Variants in SH3TC2 observed in about 807,000 individuals in gnomAD.
The protein encoded by SH3TC2 is SH3 domain and tetratricopeptide repeats 2.
Under a neutral mutation model 124.5 loss-of-function variants are expected in SH3TC2, and 87 were observed. The observed-to-expected ratio is 0.70, with a 90% confidence interval of 0.59 to 0.84. The LOEUF is 0.84. Among genes scored for constraint, SH3TC2 ranks in the 40% least tolerant of loss-of-function variants. The probability of loss-of-function intolerance (pLI) is 0.00; values close to 1 mark genes in which losing one functional copy is unlikely to be tolerated. For synonymous variants in SH3TC2, 634 were observed against 628.5 expected, an observed-to-expected ratio of 1.01 and a Z score of -0.13; for missense variants, 1,536 against 1,566.4, an observed-to-expected ratio of 0.98 and a Z score of 0.33.
In SH3TC2 at chr5:149,044,531, A is replaced by G. The variant is rs773554464; in HGVS notation, c.385+2T>C. Reference sequence around the variant, plus strand: ...CCTCCACCTGCTTGCCTTGTACCATACCTAAATTAAGGTAGGTGGAGAACT... The same window carrying G: ...CCTCCACCTGCTTGCCTTGTACCATGCCTAAATTAAGGTAGGTGGAGAACT... On this transcript the variant is annotated splice_donor_variant, in intron 4 of 16. Transcript: ENST00000515425. LOFTEE classifies it high-confidence loss of function. 1.9e-6 allele frequency: 3 copies of G among 1,612,266 alleles called. No individual in the cohort carries two copies. Among genetic ancestry groups the G allele is most frequent in the African/African-American group, 1.3e-5 (1 of 74,958 alleles).
intron 13 of SH3TC2, among the ~76,000 whole-genome samples, chr5:149,012,304 G>A (rs1189528946): frequency 6.6e-6 from 1 of 152,222 alleles, no homozygotes; most frequent in Non-Finnish European, 1.5e-5. Flanking sequence ...AACGGGACAA[G>A]TGACGTTACA....
intron 12 of SH3TC2, chr5:149,026,223 C>G: frequency 3.4e-6 from 1 of 292,180 alleles, no homozygotes; most frequent in East Asian, 8.4e-5. Flanking sequence ...GTTATAGAAA[C>G]ACACAAGTAA....
intron 2 of SH3TC2, among the ~76,000 whole-genome samples, chr5:149,049,820 A>T (rs925216272): frequency 1.3e-5 from 2 of 151,904 alleles, no homozygotes; most frequent in African/African-American, 4.8e-5. Context: ...AACATCGTGG[A>T]TATAAAACTT....
intron 12 of SH3TC2, among the ~76,000 whole-genome samples, chr5:149,013,828 T>G (rs1251460194): frequency 6.6e-6 from 1 of 152,200 alleles, no homozygotes; most frequent in Non-Finnish European, 1.5e-5. Flanking sequence ...TGGCAACAAC[T>G]AGAGTCACCT....
At position 149,041,580 on chromosome 5, in the gene SH3TC2, T is replaced by C; in HGVS notation, c.567A>G (p.Pro189=). 1 of 1,613,396 alleles carries C rather than the reference T, an allele frequency of 6.2e-7. No homozygotes were observed. Among genetic ancestry groups the C allele is most frequent in the Non-Finnish European group, 8.5e-7 (1 of 1,179,942 alleles). Residue 189 remains proline (P), a synonymous_variant, in exon 6 of 17, where the codon CCA becomes CCG. Transcript: ENST00000515425. ...AGCATTCCCCTTCCTTCTCGGCTGGTGGAGTCACGGAGCACAGGGCTCTGC... is the reference window on the plus strand; with the variant it reads ...AGCATTCCCCTTCCTTCTCGGCTGGCGGAGTCACGGAGCACAGGGCTCTGC... ...FFCRALCSVT[P]PAEKEGECLT... is the part of the protein sequence containing the mutation.
chr5:149,014,321 G>A (rs1753834314), intron 12 of SH3TC2, among the ~76,000 whole-genome samples: 1 of 152,178 alleles, frequency 6.6e-6, no homozygotes, highest in South Asian at 2.1e-4. Flanking sequence ...ACCAAAGTTT[G>A]AGAACCACTG....
chr5:149,044,885 T>C (rs1754431722), intron 3 of SH3TC2: 2 of 438,474 alleles, frequency 4.6e-6, no homozygotes, highest in Non-Finnish European at 8.4e-6. Flanking sequence ...TGTGTACTGA[T>C]ATAGGCTCCA....
intron 1 of SH3TC2, among the ~76,000 whole-genome samples, chr5:149,060,551 C>G (rs1434395647): frequency 6.6e-6 from 1 of 152,186 alleles, no homozygotes; most frequent in East Asian, 1.9e-4. Context: ...CTATCAAGAG[C>G]CTTCTCCTTT....
rs1005090373 is a variant in SH3TC2 at position 148,988,709 on chromosome 5, G to A, written c.*16002C>T. Reference sequence around the variant, plus strand: ...CTCCAGCTCTGGCCACTATTGGACTGCAACAACAGTAGAGAACCCAAGCGA... The same window carrying A: ...CTCCAGCTCTGGCCACTATTGGACTACAACAACAGTAGAGAACCCAAGCGA... On this transcript the variant is annotated 3_prime_UTR_variant, in exon 17 of 17. Coordinates refer to ENST00000515425, the MANE Select transcript of SH3TC2 (RefSeq NM_024577.4). Among the ~76,000 whole-genome samples the A allele has an allele frequency of 6.6e-6, 1 of 152,206 alleles. No homozygotes were observed. Among genetic ancestry groups the A allele is most frequent in the Non-Finnish European group, 1.5e-5 (1 of 68,036 alleles).
At chr5:149,015,372 A>C (rs1475752536) in intron 12 of SH3TC2, among the ~76,000 whole-genome samples, 4 of 152,222 alleles carry the variant, frequency 2.6e-5, no homozygotes, top group Admixed American at 2.0e-4. Context: ...GTGGCCAAGC[A>C]GTGTCACCTA....
At position 149,027,181 on chromosome 5, in the gene SH3TC2, G is replaced by C. The variant is rs144655516; in HGVS notation, c.2551C>G (p.Arg851Gly). 15 of 1,614,068 alleles carry C rather than the reference G, an allele frequency of 9.3e-6. No individual in the cohort carries two copies. In the Admixed American group the frequency reaches 1.8e-4, roughly 20 times the overall value. Residue 851 changes from arginine to glycine, a missense_variant, in exon 11 of 17, where the codon CGG becomes GGG. Arg to Gly is a moderately radical substitution (Grantham distance 125). Transcript: ENST00000515425. ...LLGLALQGEG[R>G]VNRAAKSYLR... Reference sequence around the variant, plus strand: ...TAGCTCTTGGCTGCCCTGTTCACCCGGCCTTCACCTTGGAGTGCAAGTCCC... The same window carrying C: ...TAGCTCTTGGCTGCCCTGTTCACCCCGCCTTCACCTTGGAGTGCAAGTCCC...
chr5:149,018,133 C>A (rs989958772), intron 12 of SH3TC2, among the ~76,000 whole-genome samples: 5 of 152,138 alleles, frequency 3.3e-5, no homozygotes, highest in African/African-American at 1.2e-4. Context: ...TTCTTTAGTT[C>A]TCAATTTCCA....
chr5:149,008,846 C>T lies in SH3TC2; in HGVS notation c.3478+5G>A, dbSNP rs754439916. On this transcript the variant is annotated splice_donor_5th_base_variant and intron_variant, in intron 15 of 16. Transcript: ENST00000515425. ...TCAACACACCCAATAGTGAAGACCA[C>T]CCACCTGTGACTGTGCTGAGCCTGG... 6.2e-7 allele frequency: 1 copy of T among 1,614,038 alleles called. No homozygotes were observed. The highest frequency in any genetic ancestry group is 8.5e-7 in the Non-Finnish European group (1 of 1,180,038).
intron 1 of SH3TC2, among the ~76,000 whole-genome samples, chr5:149,059,646 CAA>C (rs199998586): frequency 3.1e-4 from 32 of 103,338 alleles, no homozygotes; most frequent in South Asian, 2.9e-4. Context: ...TAATGTTTAG[CAA>C]AAAAAAAAAA....
At chr5:149,021,276 G>A (rs112345840) in intron 12 of SH3TC2, among the ~76,000 whole-genome samples, 2,422 of 152,100 alleles carry the variant, frequency 0.016, 61 homozygotes, top group African/African-American at 0.055. Flanking sequence ...ATAAAATGGC[G>A]TAGGCACAAT....
In SH3TC2 at chr5:149,038,310, T is replaced by G; in HGVS notation, c.986A>C (p.Asp329Ala). The G allele has an allele frequency of 6.2e-7, 1 of 1,614,018 alleles. No individual in the cohort carries two copies. Among genetic ancestry groups the G allele is most frequent in the African/African-American group, 1.3e-5 (1 of 75,042 alleles). ...CAATACTCACATTGGGGAATAAGAATCAGGATCTATGTTCCTGGTGGGGAC... is the reference window on the plus strand; with the variant it reads ...CAATACTCACATTGGGGAATAAGAAGCAGGATCTATGTTCCTGGTGGGGAC... ...GFVPTRNIDP[D>A]SYSPMSRNSA... Residue 329 changes from aspartate (D) to alanine (A), a missense_variant, in exon 8 of 17, where the codon GAT becomes GCT. By Grantham distance (126) the Asp-to-Ala change is moderately radical. Around this residue, in one of 3 missense-constraint regions of SH3TC2, gnomAD observed 1,102 missense variants for 1,098.6 expected, o/e 1.00. Transcript: ENST00000515425.
chr5:149,010,733 G>C (rs1196528398), intron 13 of SH3TC2, among the ~76,000 whole-genome samples: 1 of 152,080 alleles, frequency 6.6e-6, no homozygotes, highest in African/African-American at 2.4e-5. Context: ...AGATAGTATT[G>C]TGTAGAATAA....
chr5:149,020,480 C>G (rs1185209919), intron 12 of SH3TC2, among the ~76,000 whole-genome samples: 1 of 152,106 alleles, frequency 6.6e-6, no homozygotes, highest in East Asian at 1.9e-4. Flanking sequence ...AAAAATCCTA[C>G]CTTACCTGTA....
At chr5:149,004,987 GTTTT>G (rs201226305) in intron 16 of SH3TC2, 85 bp from the exon 17 acceptor site, 23 of 1,359,356 alleles carry the variant, frequency 1.7e-5, no homozygotes, top group Middle Eastern at 2.4e-4. Context: ...GGCCACTCTA[GTTTT>G]TTTTGTTTGT....
Sources: allele counts gnomAD v4.1 joint callset (sites outside exome capture counted in the v4.1 genomes callset), GRCh38; gene constraint gnomAD v4.1.1; regional missense constraint gnomAD v4.1.1; transcripts MANE v1.5; gene names NCBI Gene and HGNC (gene_info 2026-07-23, HGNC 2026-07-21).